TRIM37: variants seen among roughly 807,000 people sequenced by gnomAD.
TRIM37 encodes the protein tripartite motif containing 37.
In TRIM37, 80 loss-of-function variants were observed where a neutral mutation model predicts 129.8. The ratio of observed to expected loss-of-function variants is 0.62; its 90% CI spans 0.51 to 0.74. The LOEUF (loss-of-function observed/expected upper bound fraction) is 0.74, where lower values mean the gene tolerates loss of function less well. Among genes scored for constraint, TRIM37 ranks in the 30% least tolerant of loss-of-function variants. The pLI is 0.00. For synonymous variants in TRIM37, 389 were observed against 387.1 expected (o/e 1.00, Z -0.06); for missense variants, 1,054 against 1,176.5 (o/e 0.90, Z 1.52).
At chr17:59,057,109 C>A in intron 12 of TRIM37, 55 bp from the exon 13 acceptor site, 1 of 1,505,142 alleles carries the variant, frequency 6.6e-7, no homozygotes, top group Non-Finnish European at 9.2e-7. Flanking sequence ...GAATAAAAAA[C>A]AAACTCATCT....
chr17:59,012,615 T>C (rs1051269016), intron 21 of TRIM37, among the ~76,000 whole-genome samples, 169 bp from the exon 22 acceptor site: 3 of 152,176 alleles, frequency 2.0e-5, no homozygotes, highest in Non-Finnish European at 4.4e-5. Flanking sequence ...CAGTGGCTTA[T>C]GCCTGTAATC....
chr17:59,001,208 A>AAG (rs2033697026), intron 23 of TRIM37, among the ~76,000 whole-genome samples: 1 of 151,526 alleles, frequency 6.6e-6, no homozygotes. Flanking sequence ...GCAAAAAAAA[A>AAG]AAAAAAGAAA....
At chr17:58,973,277 C>T in the TRIM37 span, among the ~76,000 whole-genome samples, 56 of 151,736 alleles carry the variant, frequency 3.7e-4, no homozygotes, top group African/African-American at 1.1e-3. Flanking sequence ...ATTAGCCAGG[C>T]GTGGTGGCGG....
intron 8 of TRIM37, 84 bp downstream of exon 8, chr17:59,075,563 C>CAA (rs34467573): frequency 0.027 from 13,035 of 481,594 alleles, 3 homozygotes; most frequent in Middle Eastern, 0.037. Flanking sequence ...GACTCCATCT[C>CAA]AAAAAAAAAA....
At chr17:59,042,099 G>T (rs905343624) in intron 16 of TRIM37, among the ~76,000 whole-genome samples, 1 of 151,926 alleles carries the variant, frequency 6.6e-6, no homozygotes, top group African/African-American at 2.4e-5. Flanking sequence ...AATATCGGCC[G>T]GGCGCGGTGG....
intron 17 of TRIM37, among the ~76,000 whole-genome samples, chr17:59,033,802 C>T (rs925874858): frequency 6.6e-6 from 1 of 151,576 alleles, no homozygotes; most frequent in Admixed American, 6.6e-5. Flanking sequence ...AAAATTACAT[C>T]CTAGATACAC....
At chr17:58,978,583 C>T (rs943335560), downstream of TRIM37, among the ~76,000 whole-genome samples, 10 of 152,130 alleles carry the variant, frequency 6.6e-5, no homozygotes, top group South Asian at 2.1e-4. Flanking sequence ...TGGTGGCGTA[C>T]GCCTGTAATC....
chr17:59,027,644 C>T (rs763760730), intron 19 of TRIM37, among the ~76,000 whole-genome samples: 2 of 152,120 alleles, frequency 1.3e-5, no homozygotes, highest in South Asian at 4.1e-4. Flanking sequence ...CTTTTCAGAC[C>T]CTTCTCCACA....
intron 4 of TRIM37, among the ~76,000 whole-genome samples, chr17:59,087,510 T>C (rs2043875714): frequency 1.3e-5 from 2 of 148,512 alleles, no homozygotes; most frequent in South Asian, 4.3e-4. Flanking sequence ...CTATGTTACC[T>C]AAGCCATCCT....
intron 12 of TRIM37, 144 bp downstream of exon 12, chr17:59,060,888 C>T (rs1176624554): frequency 1.1e-4 from 70 of 609,546 alleles, no homozygotes; most frequent in East Asian, 2.9e-5. Context: ...AGAAAAATAC[C>T]ATCCTATGAT....
chr17:59,087,950 A>G (rs2043923446), intron 4 of TRIM37: 2 of 429,616 alleles, frequency 4.7e-6, no homozygotes, highest in Admixed American at 4.1e-5. Context: ...TTGTCCCTTA[A>G]ATGACTTAAC....
chr17:59,062,350 G>A (rs2069775834), intron 11 of TRIM37, among the ~76,000 whole-genome samples: 1 of 152,156 alleles, frequency 6.6e-6, no homozygotes, highest in Admixed American at 6.5e-5. Flanking sequence ...AGGGAACATT[G>A]TTTCCAATAG....
Position 59,106,770 on chromosome 17 carries a change from G to A in TRIM37, c.-309C>T, listed in dbSNP as rs2046042531. 1 of 557,264 alleles carries A rather than the reference G, an allele frequency of 1.8e-6. No homozygotes were observed. Among genetic ancestry groups the A allele is most frequent in the Non-Finnish European group, 3.2e-6 (1 of 312,142 alleles). The allele number at this position is 557,264 out of a possible 1,614,324, so 34.5% of individuals were successfully genotyped here. On this transcript the variant is annotated 5_prime_UTR_variant, in exon 1 of 24. Coordinates refer to ENST00000262294, the MANE Select transcript of TRIM37 (RefSeq NM_015294.6). ...CGGAACCTCGGCCCACGTGACGCGG[G>A]CGCGCGCCTATGGAACTGACGGTGG...
intron 13 of TRIM37, among the ~76,000 whole-genome samples, chr17:59,053,216 A>G (rs527678599): frequency 6.6e-6 from 1 of 152,308 alleles, no homozygotes; most frequent in South Asian, 2.1e-4. Flanking sequence ...AGCAGGTAAA[A>G]TTTCTTAACT....
intron 22 of TRIM37, among the ~76,000 whole-genome samples, 160 bp downstream of exon 22, chr17:59,012,168 A>G (rs566125331): frequency 6.6e-6 from 1 of 151,626 alleles, no homozygotes; most frequent in Admixed American, 6.6e-5. Context: ...AGCAGATCTC[A>G]GTAACATTTC....
intron 2 of TRIM37, among the ~76,000 whole-genome samples, chr17:59,102,029 T>C (rs2045563139): frequency 6.6e-6 from 1 of 151,988 alleles, no homozygotes; most frequent in South Asian, 2.1e-4. Flanking sequence ...AGAATGAACT[T>C]AGAATCGGTT....
At chr17:59,106,144 C>A (rs925378366) in intron 1 of TRIM37, among the ~76,000 whole-genome samples, 3 of 152,168 alleles carry the variant, frequency 2.0e-5, no homozygotes, top group Admixed American at 6.5e-5. Flanking sequence ...GATGAATCTG[C>A]AGTTTTGGTC....
intron 18 of TRIM37, among the ~76,000 whole-genome samples, chr17:59,030,795 A>G (rs2037762147): frequency 6.6e-6 from 1 of 152,208 alleles, no homozygotes; most frequent in South Asian, 2.1e-4. Context: ...CTCAAAGTGA[A>G]ATTACAAGTT....
chr17:59,013,979 A>G (rs1325740881), intron 21 of TRIM37, among the ~76,000 whole-genome samples: 1 of 152,190 alleles, frequency 6.6e-6, no homozygotes, highest in Non-Finnish European at 1.5e-5. Flanking sequence ...ACAGGATTTT[A>G]CACTCTAGAA....
Sources: gnomAD v4.1 joint callset for allele counts (sites outside exome capture counted in the v4.1 genomes callset) on GRCh38, gnomAD v4.1.1 for gene constraint, MANE v1.5 for transcripts, NCBI Gene and HGNC (gene_info 2026-07-23, HGNC 2026-07-21) for gene names.